MICAL2: variants seen among roughly 807,000 people sequenced by gnomAD.
MICAL2 encodes the protein [F-actin]-monooxygenase MICAL2.
MICAL2 carries 77 observed loss-of-function variants against 127.3 expected under a neutral mutation model. The ratio of observed to expected loss-of-function variants is 0.60; its 90% CI spans 0.50 to 0.73. MICAL2 has a LOEUF of 0.73. Ranked by LOEUF, MICAL2 falls within the 30% of genes least tolerant of loss-of-function variation. The pLI is 0.00. For missense variants in MICAL2, 1,351 were observed against 1,434.4 expected, an observed-to-expected ratio of 0.94 and a Z score of 0.94; for synonymous variants, 570 against 551.1, an observed-to-expected ratio of 1.03 and a Z score of -0.48.
chr11:12,148,829 C>CA (rs61589393), intron 2 of MICAL2, among the ~76,000 whole-genome samples: 72,996 of 151,744 alleles, frequency 0.48, 20,287 homozygotes, highest in East Asian at 1. Context: ...CCAGGGAGGG[C>CA]AAATTATGCT....
At chr11:12,255,198 G>A (rs7106698) in intron 22 of MICAL2, 14,616 of 168,052 alleles carry the variant, frequency 0.087, 810 homozygotes, top group East Asian at 0.25. Context: ...GATTACAGGC[G>A]TGAGCCACCA....
At position 12,255,614 on chromosome 11, in the gene MICAL2, C is replaced by T. The variant is rs533535175; in HGVS notation, c.2848-29C>T. On this transcript the variant is annotated intron_variant, in intron 22 of 27. Coordinates refer to ENST00000683283, the MANE Select transcript of MICAL2 (RefSeq NM_001282663.2). Reference sequence around the variant, plus strand: ...TGCTAACTGGCCTCTACCTTTGTCTCTGTCTCCTCTGCCTCTGCTCTTGGT... The same window carrying T: ...TGCTAACTGGCCTCTACCTTTGTCTTTGTCTCCTCTGCCTCTGCTCTTGGT... The T allele has an allele frequency of 2.9e-5, 46 of 1,606,264 alleles. No individual in the cohort carries two copies. In the East Asian group the frequency reaches 9.6e-4, roughly 34 times the overall value.
chr11:12,294,874 T>C (rs1235493284), downstream of MICAL2: 1 of 1,449,324 alleles, frequency 6.9e-7, no homozygotes, highest in African/African-American at 1.5e-5. Flanking sequence ...GGCTCTGTCC[T>C]GATAAATGTC....
chr11:12,133,371 T>A (rs960928900), intron 1 of MICAL2, among the ~76,000 whole-genome samples: 1 of 152,198 alleles, frequency 6.6e-6, no homozygotes, highest in Non-Finnish European at 1.5e-5. Flanking sequence ...TGTGAGCCAC[T>A]GTGCCCGGCC....
At chr11:12,350,952 G>A (rs1939033187) in intron 33 of MICAL2, among the ~76,000 whole-genome samples, 1 of 152,126 alleles carries the variant, frequency 6.6e-6, no homozygotes, top group Non-Finnish European at 1.5e-5. Flanking sequence ...TCTGGCTCCA[G>A]GCTTTCCTGA....
rs774799819 is a variant in MICAL2, at chr11:12,358,306, G to T, written c.5701G>T (p.Asp1901Tyr). 4.3e-6 allele frequency: 7 copies of T among 1,613,772 alleles called. No homozygotes were observed. The South Asian group carries it at 7.7e-5, about 18-fold the overall frequency. Reference sequence around the variant, plus strand: ...TTTTTTTTCTTTAGAGAGCCAGAAAGATGAGAAGGATCTAAACGAAGAGCA... The same window carrying T: ...TTTTTTTTCTTTAGAGAGCCAGAAATATGAGAAGGATCTAAACGAAGAGCA... The change falls in exon 35 of 35, where the codon GAT (aspartate) becomes TAT (tyrosine). Residue 1901 changes from aspartate (D) to tyrosine (Y), a missense_variant. Physicochemically the swap from Asp to Tyr is radical, Grantham distance 160. Transcript: ENST00000646065.
intron 15 of MICAL2, among the ~76,000 whole-genome samples, chr11:12,231,167 G>A (rs543536716): frequency 2.2e-4 from 34 of 152,298 alleles, no homozygotes; most frequent in African/African-American, 8.2e-4. Flanking sequence ...TGCCACACAT[G>A]GTGACACCTG....
At chr11:12,220,545 G>T in intron 9 of MICAL2, 87 bp downstream of exon 9, 1 of 1,511,448 alleles carries the variant, frequency 6.6e-7, no homozygotes, top group Non-Finnish European at 8.8e-7. Context: ...CTGTTGTGCA[G>T]CGGGGAGAGG....
chr11:12,223,570 G>GCCTGTGTC, intron 12 of MICAL2, 69 bp downstream of exon 12: 2 of 1,391,804 alleles, frequency 1.4e-6, no homozygotes, highest in Non-Finnish European at 1.0e-6. Context: ...ACTGCTCAGT[G>GCCTGTGTC]ACCGTGGTGA....
intron 29 of MICAL2, among the ~76,000 whole-genome samples, chr11:12,307,078 G>T (rs1175679487): frequency 6.6e-6 from 1 of 152,168 alleles, no homozygotes; most frequent in Non-Finnish European, 1.5e-5. Flanking sequence ...ATGCACAAGA[G>T]TTTCGGTTAC....
chr11:12,220,512 T>G, intron 9 of MICAL2, 54 bp downstream of exon 9: 1 of 1,579,270 alleles, frequency 6.3e-7, no homozygotes, highest in Non-Finnish European at 8.6e-7. Flanking sequence ...ATCCCACGTT[T>G]GTATTCTGGC....
At chr11:12,213,096 G>A (rs1855705005) in intron 6 of MICAL2, among the ~76,000 whole-genome samples, 159 bp from the exon 7 acceptor site, 1 of 152,166 alleles carries the variant, frequency 6.6e-6, no homozygotes, top group South Asian at 2.1e-4. Flanking sequence ...AGCCTTGGGA[G>A]CAAACTTCGG....
At chr11:12,282,320 G>A (rs1863781236) in intron 2 of MICAL2, among the ~76,000 whole-genome samples, 1 of 152,218 alleles carries the variant, frequency 6.6e-6, no homozygotes, top group African/African-American at 2.4e-5. Context: ...GCCCAGCTGG[G>A]TCCAGCCCCA....
chr11:12,355,271 G>A (rs1033714801), intron 34 of MICAL2, among the ~76,000 whole-genome samples: 20 of 152,196 alleles, frequency 1.3e-4, no homozygotes, highest in South Asian at 8.3e-4. Flanking sequence ...ACATCAGAAG[G>A]GCTTTGGGAT....
At chr11:12,236,660 T>A (rs1197648553) in intron 16 of MICAL2, among the ~76,000 whole-genome samples, 2 of 152,244 alleles carry the variant, frequency 1.3e-5, no homozygotes, top group East Asian at 3.8e-4. Context: ...TTTCCTTTGC[T>A]TTTAGCCTTT....
chr11:12,273,932 G>A (rs1011503972), upstream of MICAL2, among the ~76,000 whole-genome samples: 28 of 152,060 alleles, frequency 1.8e-4, no homozygotes, highest in African/African-American at 6.5e-4. Context: ...CAGGATTATA[G>A]GAATAGAGGG....
In MICAL2 at chr11:12,196,232, A is replaced by G. The variant is rs373523850; in HGVS notation, c.265-8018A>G. 3.9e-5 allele frequency: 6 copies of G among 153,192 alleles called. No individual in the cohort carries two copies. In the East Asian group the frequency reaches 9.6e-4, roughly 25 times the overall value. 9.5% of individuals were successfully genotyped at this position (153,192 alleles called of 1,614,324 possible). A position where few individuals can be genotyped will look rare whatever the true frequency, so the allele number is the denominator to read the frequency against. On this transcript the variant is annotated intron_variant, in intron 3 of 27. Coordinates refer to ENST00000683283, the MANE Select transcript of MICAL2 (RefSeq NM_001282663.2). ...GGAGAAGAACCAAGACTGATTCCAG[A>G]TTTTTGGTCTAAGCAAGTAGAAAAG...
At chr11:12,248,607 C>T (rs1202528918) in intron 21 of MICAL2, among the ~76,000 whole-genome samples, 1 of 152,214 alleles carries the variant, frequency 6.6e-6, no homozygotes, top group Non-Finnish European at 1.5e-5. Flanking sequence ...CAGAAGAGCA[C>T]TGAGCATTGC....
chr11:12,326,858 A>T (rs1864358889), intron 31 of MICAL2, among the ~76,000 whole-genome samples: 1 of 152,186 alleles, frequency 6.6e-6, no homozygotes, highest in African/African-American at 2.4e-5. Context: ...AGGAGCCATG[A>T]TGACTGCTCA....
Sources: allele counts gnomAD v4.1 joint callset (sites outside exome capture counted in the v4.1 genomes callset), GRCh38; gene constraint gnomAD v4.1.1; transcripts MANE v1.5; gene names NCBI Gene and HGNC (gene_info 2026-07-23, HGNC 2026-07-21).